The following QTGAL variants were observed in gnomAD, a reference collection of about 807,000 sequenced individuals.
The protein encoded by QTGAL is queuosine-tRNA galactosyltransferase.
chr17:83,033,063 T>C, the QTGAL span, among the ~76,000 whole-genome samples: 1 of 152,178 alleles, frequency 6.6e-6, no homozygotes, highest in Non-Finnish European at 1.5e-5. Flanking sequence ...ACCCCAGGAA[T>C]GCACAGAAGC....
At chr17:82,976,661 C>T in the QTGAL span, among the ~76,000 whole-genome samples, 1 of 7,790 alleles carries the variant, frequency 1.3e-4, no homozygotes. Context: ...CAGAGCCGGA[C>T]TCCATCCTCC....
At chr17:82,955,209 T>G in the QTGAL span, among the ~76,000 whole-genome samples, 1 of 152,164 alleles carries the variant, frequency 6.6e-6, no homozygotes, top group African/African-American at 2.4e-5. Context: ...GGGAGAAAAT[T>G]TCTGCAATCT....
chr17:82,958,924 GGTGTGT>G, the QTGAL span, among the ~76,000 whole-genome samples: 13 of 41,146 alleles, frequency 3.2e-4, no homozygotes, highest in East Asian at 4.7e-3. Context: ...GGGGGTGTAT[GGTGTGT>G]GTGTGTGTAT....
the QTGAL span, among the ~76,000 whole-genome samples, chr17:82,946,664 T>TAAA: frequency 1.3e-5 from 2 of 151,064 alleles, no homozygotes; most frequent in Non-Finnish European, 3.0e-5. Context: ...TAATGAAAGA[T>TAAA]AAAAGTTAAT....
the QTGAL span, among the ~76,000 whole-genome samples, chr17:82,958,547 TC>T: frequency 2.6e-5 from 4 of 151,514 alleles, no homozygotes; most frequent in South Asian, 2.1e-4. Flanking sequence ...AACTTGTGAC[TC>T]CCCCCCAACC....
At chr17:83,006,169 T>G in the QTGAL span, 1 of 986,238 alleles carries the variant, frequency 1.0e-6, no homozygotes, top group Non-Finnish European at 1.2e-6. The surrounding 1 kb of genome is among the most constrained non-coding windows in gnomAD (Gnocchi z 5.8). Flanking sequence ...AAGGAGACAA[T>G]AGTGAAAATG....
the QTGAL span, among the ~76,000 whole-genome samples, chr17:83,008,103 T>TCTCAAGAGGAGGAGGAGGCGCAGGG: frequency 6.6e-6 from 1 of 152,216 alleles, no homozygotes; most frequent in African/African-American, 2.4e-5. Context: ...AGAGGTGCGC[T>TCTCAAGAGGAGGAGGAGGCGCAGGG]ATGCGCTTAA....
the QTGAL span, chr17:82,947,415 G>A: frequency 1.2e-5 from 2 of 170,886 alleles, no homozygotes; most frequent in Non-Finnish European, 2.5e-5. Flanking sequence ...AGCTGCCCCT[G>A]TCTGATCTCC....
chr17:82,990,022 G>C, the QTGAL span, among the ~76,000 whole-genome samples: 1 of 152,192 alleles, frequency 6.6e-6, no homozygotes, highest in South Asian at 2.1e-4. Flanking sequence ...TGGAGAATGA[G>C]CTCACATTCA....
the QTGAL span, among the ~76,000 whole-genome samples, chr17:82,981,961 T>C: frequency 6.6e-6 from 1 of 152,262 alleles, no homozygotes; most frequent in Non-Finnish European, 1.5e-5. Context: ...TAAATGGAAG[T>C]GGATCATCAC....
At chr17:83,031,774 C>T in the QTGAL span, among the ~76,000 whole-genome samples, 1 of 152,214 alleles carries the variant, frequency 6.6e-6, no homozygotes, top group Non-Finnish European at 1.5e-5. Flanking sequence ...CTGTTTAAAC[C>T]GTCCTCAGTT....
the QTGAL span, among the ~76,000 whole-genome samples, chr17:82,968,321 T>C: frequency 2.6e-5 from 4 of 151,868 alleles, no homozygotes; most frequent in Non-Finnish European, 4.4e-5. Flanking sequence ...ACGAGTCCAG[T>C]GGAGCCCTCA....
At chr17:83,038,160 T>C in the QTGAL span, among the ~76,000 whole-genome samples, 1 of 152,348 alleles carries the variant, frequency 6.6e-6, no homozygotes, top group East Asian at 1.9e-4. Flanking sequence ...TGTTATCTAA[T>C]AGTCAATATA....
the QTGAL span, among the ~76,000 whole-genome samples, chr17:83,000,966 G>A: frequency 6.6e-6 from 1 of 152,146 alleles, no homozygotes; most frequent in Non-Finnish European, 1.5e-5. Context: ...GGAGGGCTCC[G>A]GGATGGACAG....
At chr17:82,953,587 A>C in the QTGAL span, among the ~76,000 whole-genome samples, 1 of 152,212 alleles carries the variant, frequency 6.6e-6, no homozygotes, top group African/African-American at 2.4e-5. Flanking sequence ...CCAGAGGTAC[A>C]AAGAGGAGCT....
chr17:82,993,937 C>T, the QTGAL span, among the ~76,000 whole-genome samples: 2 of 152,076 alleles, frequency 1.3e-5, no homozygotes, highest in East Asian at 3.9e-4. Context: ...TAAGAAGGAA[C>T]TTAAAACATT....
At chr17:83,024,542 T>C in the QTGAL span, among the ~76,000 whole-genome samples, 1 of 152,240 alleles carries the variant, frequency 6.6e-6, no homozygotes, top group African/African-American at 2.4e-5. Context: ...TAAACATCTG[T>C]GTCCTGTGTA....
the QTGAL span, among the ~76,000 whole-genome samples, chr17:83,023,462 A>G: frequency 6.6e-6 from 1 of 152,412 alleles, no homozygotes; most frequent in African/African-American, 2.4e-5. Flanking sequence ...TCTTTTCTAA[A>G]TAATTCCAGG....
chr17:83,049,078 C>T, the QTGAL span: 1 of 308,180 alleles, frequency 3.2e-6, no homozygotes, highest in African/African-American at 2.2e-5. Context: ...ATGGTGAAAC[C>T]CCATCTCTAC....
Sources: allele counts gnomAD v4.1 joint callset (sites outside exome capture counted in the v4.1 genomes callset), GRCh38; gene constraint gnomAD v4.1.1; non-coding constraint Gnocchi (gnomAD v3.1); transcripts MANE v1.5; gene names NCBI Gene and HGNC (gene_info 2026-07-23, HGNC 2026-07-21).